Variants in RYR3 observed in about 807,000 individuals in gnomAD.
RYR3 encodes brain ryanodine receptor-calcium release channel.
In RYR3, 207 loss-of-function variants were observed where a neutral mutation model predicts 584.3. The ratio of observed to expected loss-of-function variants is 0.35; its 90% confidence interval spans 0.32 to 0.40. RYR3 has a LOEUF of 0.40. Among genes scored for constraint, RYR3 ranks in the 10% least tolerant of loss-of-function variants. The pLI, the probability that RYR3 is intolerant of heterozygous loss-of-function variation, is 1.00. For missense variants in RYR3, 5,616 were observed against 6,089.2 expected, an observed-to-expected ratio of 0.92 and a Z score of 2.59; for synonymous variants, 2,416 against 2,248.5, an observed-to-expected ratio of 1.07 and a Z score of -2.11.
chr15:33,351,341 A>G (rs1016846228), intron 1 of RYR3, among the ~76,000 whole-genome samples: 4 of 152,206 alleles, frequency 2.6e-5, no homozygotes, highest in African/African-American at 9.6e-5. Flanking sequence ...ACAAGGAGGA[A>G]CTGGTACCAT....
At chr15:33,658,669 C>A (rs2062962404) in intron 32 of RYR3, among the ~76,000 whole-genome samples, 1 of 152,232 alleles carries the variant, frequency 6.6e-6, no homozygotes, top group Admixed American at 6.5e-5. Context: ...AGTGTGTGAG[C>A]AGACTTTATG....
intron 1 of RYR3, among the ~76,000 whole-genome samples, chr15:33,343,162 C>T (rs1364930526): frequency 1.3e-5 from 2 of 152,144 alleles, no homozygotes; most frequent in Non-Finnish European, 2.9e-5. Context: ...ACTAGGAGTA[C>T]AGTACTTTAC....
intron 19 of RYR3, among the ~76,000 whole-genome samples, chr15:33,614,860 C>G (rs1299344957): frequency 6.6e-6 from 1 of 152,038 alleles, no homozygotes; most frequent in Non-Finnish European, 1.5e-5. Context: ...AGGAGGAACT[C>G]ATAATAGTAC....
At chr15:33,723,031 C>T (rs752648899) in intron 44 of RYR3, 136 bp downstream of exon 44, 25 of 773,436 alleles carry the variant, frequency 3.2e-5, no homozygotes, top group South Asian at 1.1e-4. Context: ...GACCCTTCAT[C>T]GAGAACAGTG....
chr15:33,315,181 T>A (rs928488935), intron 1 of RYR3, among the ~76,000 whole-genome samples: 2 of 152,138 alleles, frequency 1.3e-5, no homozygotes, highest in Non-Finnish European at 2.9e-5. Context: ...AATTCCTGAA[T>A]TTGAGCTGCA....
intron 69 of RYR3, 118 bp downstream of exon 69, chr15:33,802,079 C>A: frequency 1.3e-6 from 1 of 783,744 alleles, no homozygotes; most frequent in African/African-American, 1.7e-5. Flanking sequence ...AACTACATGA[C>A]CAACAGTCTC....
intron 1 of RYR3, among the ~76,000 whole-genome samples, chr15:33,427,920 A>C (rs549549225): frequency 1.3e-5 from 2 of 152,358 alleles, no homozygotes; most frequent in Admixed American, 1.3e-4. Context: ...GTAGACAGGA[A>C]ATGCTCATGT....
At chr15:33,510,616 A>C (rs2052896437) in intron 3 of RYR3, among the ~76,000 whole-genome samples, 1 of 151,212 alleles carries the variant, frequency 6.6e-6, no homozygotes, top group Admixed American at 6.6e-5. Flanking sequence ...TTTTGAGACA[A>C]GGTTCTCCTG....
rs182972491 is a variant in RYR3 at position 33,788,427 on chromosome 15, C to T, written c.9799C>T (p.Pro3267Ser). 348 of 1,613,890 alleles carry T rather than the reference C, an allele frequency of 2.2e-4. No homozygotes were observed. The highest frequency in any genetic ancestry group is 1.4e-3 in the Admixed American group (83 of 60,010). Residue 3267 changes from proline to serine, a missense_variant, in exon 67 of 104, where the codon CCC becomes TCC. Pro to Ser is a moderately conservative substitution (Grantham distance 74). This residue lies in a region of RYR3 where 954 missense variants were observed against 1,132.2 expected (regional missense o/e 0.84). Coordinates refer to ENST00000634891, the MANE Select transcript of RYR3 (RefSeq NM_001036.6). ...VLCRDLYAFY[P>S]MLIRYVDNNR... ...CTGCAGAGATCTCTATGCCTTCTAC[C>T]CCATGCTGATCCGCTACGTGGACAA...
At chr15:33,646,150 C>T (rs1041460864) in intron 28 of RYR3, 3 of 476,286 alleles carry the variant, frequency 6.3e-6, no homozygotes, top group South Asian at 4.7e-5. Flanking sequence ...TCTCTAATTT[C>T]CCTAGCCAGG....
At chr15:33,833,717 G>A (rs1167939859) in intron 86 of RYR3, among the ~76,000 whole-genome samples, 1 of 152,164 alleles carries the variant, frequency 6.6e-6, no homozygotes, top group Non-Finnish European at 1.5e-5. Flanking sequence ...CTTTGTTACA[G>A]AAAGAATCTA....
intron 2 of RYR3, among the ~76,000 whole-genome samples, chr15:33,479,530 T>A (rs1226934866): frequency 6.6e-6 from 1 of 151,532 alleles, no homozygotes; most frequent in Non-Finnish European, 1.5e-5. Context: ...ATGCGCTATG[T>A]CCCAAGTAAT....
At position 33,722,782 on chromosome 15, in the gene RYR3, C is replaced by A. The variant is rs752194470; in HGVS notation, c.6687C>A (p.Gly2229=). 3.7e-6 allele frequency: 6 copies of A among 1,613,242 alleles called. No individual in the cohort carries two copies. The African/African-American group carries it at 8.0e-5, about 22-fold the overall frequency. ...TCATCAGACGCCCAGAGTGCTTCGG[C>A]CCGGCCCTGCGGGGTGAGGGGGGAA... is the stretch of plus-strand genomic sequence containing the variant. ...KLLIRRPECF[G]PALRGEGGNG... The change falls in exon 44 of 104, where the codon GGC becomes GGA. Residue 2229 remains glycine (G), a synonymous_variant. Transcript: ENST00000634891.
chr15:33,605,530 G>T (rs1464918142), intron 18 of RYR3, among the ~76,000 whole-genome samples: 1 of 152,146 alleles, frequency 6.6e-6, no homozygotes, highest in African/African-American at 2.4e-5. Flanking sequence ...TGGTATATTG[G>T]CATGTAGGTG....
intron 8 of RYR3, among the ~76,000 whole-genome samples, chr15:33,547,859 T>C (rs569772971): frequency 1.3e-5 from 2 of 152,238 alleles, no homozygotes; most frequent in Non-Finnish European, 2.9e-5. Flanking sequence ...GAGATGTTCT[T>C]GTTCCTGCCT....
chr15:33,611,696 T>A (rs1475163437), intron 18 of RYR3, among the ~76,000 whole-genome samples: 2 of 152,010 alleles, frequency 1.3e-5, no homozygotes, highest in Non-Finnish European at 2.9e-5. Flanking sequence ...TCTCATTCTG[T>A]CGCCCAGGCT....
At chr15:33,563,085 G>C in intron 11 of RYR3, 75 bp downstream of exon 11, 2 of 1,154,260 alleles carry the variant, frequency 1.7e-6, no homozygotes, top group Non-Finnish European at 1.2e-6. Context: ...GTGATTCTGA[G>C]AACCAGGTGG....
chr15:33,382,645 CA>C (rs1159150041), intron 1 of RYR3, among the ~76,000 whole-genome samples: 1 of 151,996 alleles, frequency 6.6e-6, no homozygotes, highest in African/African-American at 2.4e-5. Context: ...TTTATACTTT[CA>C]ATATTGTGCA....
At chr15:33,312,721 CA>C (rs1967522348) in intron 1 of RYR3, among the ~76,000 whole-genome samples, 1 of 152,170 alleles carries the variant, frequency 6.6e-6, no homozygotes. Flanking sequence ...AAATTATCTT[CA>C]GACAGGGTCA....
Sources: gnomAD v4.1 joint callset for allele counts (sites outside exome capture counted in the v4.1 genomes callset) on GRCh38, gnomAD v4.1.1 for gene constraint, gnomAD v4.1.1 regional missense constraint, MANE v1.5 for transcripts, NCBI Gene and HGNC (gene_info 2026-07-23, HGNC 2026-07-21) for gene names.